GALNT17: variants seen among roughly 807,000 people sequenced by gnomAD.
GALNT17 encodes UDP-GalNAc:polypeptide N-acetylgalactosaminyltransferase-like 3.
GALNT17 carries 29 observed loss-of-function variants against 63.7 expected under a neutral mutation model. The ratio of observed to expected loss-of-function variants is 0.46; its 90% CI spans 0.34 to 0.62. The LOEUF (loss-of-function observed/expected upper bound fraction) is 0.62, where lower values mean the gene tolerates loss of function less well. Among genes scored for constraint, GALNT17 ranks in the 20% least tolerant of loss-of-function variants. The pLI, the probability that GALNT17 is intolerant of heterozygous loss-of-function variation, is 0.01. For missense variants in GALNT17, 603 were observed against 799.6 expected (o/e 0.75, Z 2.97); for synonymous variants, 305 against 318.3 (o/e 0.96, Z 0.45).
rs188385391 is a variant in GALNT17, at chr7:71,357,248, A to C, written c.422+21515A>C. On this transcript the variant is annotated intron_variant, in intron 2 of 10. Transcript: ENST00000333538. ...GCACTGCAGGAAGTGAGTGGCAGGC[A>C]AGTGAGCATGACCGCCTGAGTGCCA... Among the ~76,000 whole-genome samples, 418 of 152,318 alleles carry C rather than the reference A, an allele frequency of 2.7e-3. 10 individuals are homozygous for C. The highest frequency in any genetic ancestry group is 0.023 in the Admixed American group (346 of 15,286).
At chr7:71,452,028 A>G (rs1049503862) in intron 5 of GALNT17, among the ~76,000 whole-genome samples, 6 of 152,070 alleles carry the variant, frequency 3.9e-5, no homozygotes, top group Non-Finnish European at 7.4e-5. Context: ...TGGACAATAT[A>G]GCAAGACCCC....
chr7:71,325,692 A>G (rs1791693291), intron 1 of GALNT17, among the ~76,000 whole-genome samples: 1 of 152,058 alleles, frequency 6.6e-6, no homozygotes, highest in Admixed American at 6.6e-5. Context: ...GCTGAACTTA[A>G]CCACAGACAT....
intron 6 of GALNT17, among the ~76,000 whole-genome samples, chr7:71,611,929 A>G (rs1347721165): frequency 1.3e-5 from 2 of 152,246 alleles, no homozygotes; most frequent in African/African-American, 2.4e-5. Flanking sequence ...AAAATCTCCA[A>G]TGAGAAGCAC....
In GALNT17 at chr7:71,446,713, T is replaced by C. The variant is rs1787166580; in HGVS notation, c.962+25608T>C. Among the ~76,000 whole-genome samples the C allele has an allele frequency of 1.3e-5, 2 of 152,166 alleles. 1 individual carries two copies. Among genetic ancestry groups the C allele is most frequent in the South Asian group, 4.1e-4 (2 of 4,826 alleles). On this transcript the variant is annotated intron_variant, in intron 5 of 10. Coordinates refer to ENST00000333538, the MANE Select transcript of GALNT17 (RefSeq NM_022479.3). ...ACAGGCATGTGCCACCATGCTCAGC[T>C]AATTTTTGTATTTTTAGTAGAGACA...
chr7:71,568,816 T>C (rs1043325231), intron 5 of GALNT17, among the ~76,000 whole-genome samples: 1 of 152,192 alleles, frequency 6.6e-6, no homozygotes, highest in Non-Finnish European at 1.5e-5. Context: ...AATACAATAC[T>C]TAATATTTAT....
intron 3 of GALNT17, among the ~76,000 whole-genome samples, chr7:71,393,993 C>T (rs75251598): frequency 2.0e-5 from 3 of 151,982 alleles, no homozygotes; most frequent in Admixed American, 6.5e-5. Context: ...TGATTCTCCC[C>T]GATCTTCTTT....
At chr7:71,172,480 G>T (rs1186293597) in intron 1 of GALNT17, among the ~76,000 whole-genome samples, 2 of 143,424 alleles carry the variant, frequency 1.4e-5, no homozygotes, top group African/African-American at 2.7e-5. Context: ...AAAAAAAAAA[G>T]AACTATGGAT....
Position 71,687,350 on chromosome 7 carries a change from C to T in GALNT17, c.1500+10044C>T, listed in dbSNP as rs138331825. On this transcript the variant is annotated intron_variant, in intron 9 of 10. Transcript: ENST00000333538. ...TGATGCATTGTGCCAATAAGGCACC[C>T]GTGCCCTGCTGGCGTGACGGGGCTC... Among the ~76,000 whole-genome samples the T allele has an allele frequency of 5.7e-3, 864 of 152,288 alleles. 8 individuals carry two copies. Among genetic ancestry groups the T allele is most frequent in the African/African-American group, 0.02 (830 of 41,552 alleles).
At chr7:71,488,574 CTTTTTTTTTT>C (rs965444360) in intron 5 of GALNT17, among the ~76,000 whole-genome samples, 3 of 100,664 alleles carry the variant, frequency 3.0e-5, no homozygotes, top group East Asian at 2.9e-4. Context: ...ACTTGCCCTT[CTTTTTTTTTT>C]TTTTTTTTTT....
At chr7:71,619,094 C>A (rs1002956407) in intron 6 of GALNT17, among the ~76,000 whole-genome samples, 3 of 152,148 alleles carry the variant, frequency 2.0e-5, no homozygotes, top group Admixed American at 6.6e-5. Context: ...TTCTTTTTGG[C>A]AGCCTTTTTA....
intron 5 of GALNT17, among the ~76,000 whole-genome samples, chr7:71,535,163 G>C (rs574622305): frequency 6.6e-6 from 1 of 152,198 alleles, no homozygotes; most frequent in Non-Finnish European, 1.5e-5. Flanking sequence ...AAAATGTTGT[G>C]TTTTAAGAGG....
intron 1 of GALNT17, among the ~76,000 whole-genome samples, chr7:71,259,194 A>G (rs6962909): frequency 0.055 from 8,421 of 152,204 alleles, 788 homozygotes; most frequent in African/African-American, 0.19. Flanking sequence ...AGAGAATTCC[A>G]TACCCAGAAA....
intron 3 of GALNT17, among the ~76,000 whole-genome samples, chr7:71,407,267 A>T (rs898810447): frequency 6.6e-6 from 1 of 152,186 alleles, no homozygotes; most frequent in Non-Finnish European, 1.5e-5. Flanking sequence ...CCCATGGAAC[A>T]AGCTAGGAGC....
chr7:71,677,561 C>G (rs1192482573), intron 9 of GALNT17, among the ~76,000 whole-genome samples: 1 of 150,984 alleles, frequency 6.6e-6, no homozygotes, highest in South Asian at 2.1e-4. Context: ...GTCCTCCAGG[C>G]TGGAGTGCAG....
intron 5 of GALNT17, among the ~76,000 whole-genome samples, chr7:71,519,605 A>G (rs1788497205): frequency 6.6e-6 from 1 of 152,154 alleles, no homozygotes; most frequent in African/African-American, 2.4e-5. Context: ...CTGAGACTAC[A>G]GGTGTGCACC....
chr7:71,274,520 T>C (rs1790649569), intron 1 of GALNT17, among the ~76,000 whole-genome samples: 1 of 152,170 alleles, frequency 6.6e-6, no homozygotes, highest in African/African-American at 2.4e-5. Context: ...CCTCAAGCAG[T>C]CCTTCTTCCA....
intron 1 of GALNT17, among the ~76,000 whole-genome samples, chr7:71,143,354 G>A (rs1268330309): frequency 6.6e-6 from 1 of 150,946 alleles, no homozygotes; most frequent in African/African-American, 2.4e-5. Flanking sequence ...CTCAGGAGGT[G>A]GAGGTTGCAG....
At chr7:71,524,132 G>C (rs937384253) in intron 5 of GALNT17, among the ~76,000 whole-genome samples, 1 of 150,498 alleles carries the variant, frequency 6.6e-6, no homozygotes, top group Non-Finnish European at 1.5e-5. Context: ...AAAAGAAAAA[G>C]AAAGAAACTC....
At chr7:71,139,041 CTTT>C (rs1179592855) in intron 1 of GALNT17, among the ~76,000 whole-genome samples, 1 of 152,134 alleles carries the variant, frequency 6.6e-6, no homozygotes, top group Non-Finnish European at 1.5e-5. Context: ...TAGAATTCTT[CTTT>C]ATGTGATTTT....
Sources: allele counts gnomAD v4.1 joint callset (sites outside exome capture counted in the v4.1 genomes callset), GRCh38; gene constraint gnomAD v4.1.1; transcripts MANE v1.5; gene names NCBI Gene and HGNC (gene_info 2026-07-23, HGNC 2026-07-21).